Variants in CD99 observed in about 807,000 individuals in gnomAD.
CD99 encodes the protein CD99 molecule (Xg blood group).
Under a neutral mutation model 28.4 loss-of-function variants are expected in CD99, and 19 were observed. That is an observed-to-expected ratio of 0.67 (90% CI 0.47 to 0.98). The LOEUF is 0.98. CD99 is among the 50% of genes least tolerant of loss of function. The pLI is 0.00. For synonymous variants in CD99, 103 were observed against 92.1 expected (o/e 1.12, Z -0.67); for missense variants, 283 against 248.8 (o/e 1.14, Z -0.92).
intron 1 of CD99, among the ~76,000 whole-genome samples, chrX:2,702,458 T>C (rs1049823839): frequency 1.3e-5 from 2 of 152,236 alleles, no homozygotes; most frequent in Non-Finnish European, 2.9e-5. Context: ...TGAGAAATAC[T>C]GTTATTAACT....
At chrX:2,726,124 C>A in intron 7 of CD99, 136 bp from the exon 8 acceptor site, 1 of 623,394 alleles carries the variant, frequency 1.6e-6, no homozygotes, top group Non-Finnish European at 2.9e-6. Flanking sequence ...CTTTGCAAAT[C>A]GGTCAGCTCA....
intron 1 of CD99, among the ~76,000 whole-genome samples, chrX:2,698,732 T>C (rs2047694217): frequency 6.6e-6 from 1 of 152,164 alleles, no homozygotes; most frequent in South Asian, 2.1e-4. Context: ...CACCAGTAAC[T>C]GTGATGCCCA....
intron 8 of CD99, among the ~76,000 whole-genome samples, chrX:2,732,423 C>T (rs1186741905): frequency 1.3e-5 from 2 of 152,042 alleles, no homozygotes; most frequent in Admixed American, 6.6e-5. Flanking sequence ...GCAAGATGGG[C>T]GATTGGCTCT....
intron 1 of CD99, among the ~76,000 whole-genome samples, chrX:2,696,803 C>T (rs1458945139): frequency 2.0e-5 from 3 of 152,124 alleles, no homozygotes; most frequent in African/African-American, 7.2e-5. Context: ...CTTGAATTTC[C>T]TGTTCAGTAT....
chrX:2,716,342 CT>C lies in CD99; in HGVS notation c.101-1253del, dbSNP rs1556318417. 6.0e-5 allele frequency among the ~76,000 whole-genome samples: 9 copies of C among 150,896 alleles called. No homozygotes were observed. In the South Asian group the frequency reaches 6.3e-4, roughly 11 times the overall value. On this transcript the variant is annotated intron_variant, in intron 2 of 9. Coordinates refer to ENST00000381192, the MANE Select transcript of CD99 (RefSeq NM_002414.5). ...ACCCTCTTCACTTTTTTATGTTTTA[CT>C]TTTTTTTTTCTGAGACACTGTCTCG...
intron 8 of CD99, among the ~76,000 whole-genome samples, chrX:2,732,591 ACT>A (rs1485242699): frequency 9.8e-6 from 1 of 101,836 alleles, no homozygotes; most frequent in East Asian, 3.0e-4. Flanking sequence ...TCTTTCTTGA[ACT>A]CTCCCTCTTT....
intron 8 of CD99, among the ~76,000 whole-genome samples, chrX:2,730,143 G>C (rs928884332): frequency 5.9e-5 from 9 of 151,724 alleles, no homozygotes; most frequent in Non-Finnish European, 1.2e-4. Flanking sequence ...GACAGACAGA[G>C]ACCCTGTCTC....
chrX:2,714,712 C>A, intron 2 of CD99: 1 of 368,326 alleles, frequency 2.7e-6, no homozygotes, highest in East Asian at 4.1e-5. Context: ...GATACAGAGA[C>A]AGGAAGTGGG....
rs538293431 is a variant in CD99, at chrX:2,722,567, G to A, written c.263-60G>A. ...TTCATGAGTTTTTCCTTTATTCTAA[G>A]ACATGAAGACCCTTGGAGGAGTTCC... is the stretch of plus-strand genomic sequence containing the variant. On this transcript the variant is annotated intron_variant, in intron 5 of 9. Transcript: ENST00000381192. The A allele has an allele frequency of 3.2e-5, 47 of 1,468,806 alleles. No homozygotes were observed. In the African/African-American group the frequency reaches 5.8e-4, roughly 18 times the overall value. 91.0% of individuals were successfully genotyped at this position (1,468,806 alleles called of 1,614,324 possible). A position where few individuals can be genotyped will look rare whatever the true frequency, so the allele number is the denominator to read the frequency against.
intron 8 of CD99, among the ~76,000 whole-genome samples, chrX:2,737,524 T>G (rs984651761): frequency 5.3e-5 from 8 of 151,274 alleles, no homozygotes; most frequent in African/African-American, 1.9e-4. Context: ...TGAGACAGTC[T>G]TGCCCTGTCA....
intron 1 of CD99, among the ~76,000 whole-genome samples, chrX:2,711,016 G>T (rs1384759797): frequency 6.6e-6 from 1 of 150,630 alleles, no homozygotes; most frequent in Non-Finnish European, 1.5e-5. Flanking sequence ...GATTACATGC[G>T]CATATCACCA....
chrX:2,714,729 G>A, intron 2 of CD99: 1 of 338,488 alleles, frequency 3.0e-6, no homozygotes, highest in African/African-American at 2.1e-5. Flanking sequence ...TGGGGCACGT[G>A]CTGTTGGAAA....
At chrX:2,727,669 G>T (rs2049364760) in intron 8 of CD99, among the ~76,000 whole-genome samples, 1 of 152,086 alleles carries the variant, frequency 6.6e-6, no homozygotes, top group Non-Finnish European at 1.5e-5. Context: ...TAGAGATGGG[G>T]TCTCACCATG....
chrX:2,722,600 C>T, intron 5 of CD99, 27 bp from the exon 6 acceptor site: 4 of 1,612,314 alleles, frequency 2.5e-6, no homozygotes, highest in Non-Finnish European at 3.4e-6. Flanking sequence ...TCCAGGTTGA[C>T]AGGTGATGCT....
intron 8 of CD99, chrX:2,727,320 G>C: frequency 1.3e-6 from 1 of 779,338 alleles, no homozygotes; most frequent in Non-Finnish European, 2.4e-6. Flanking sequence ...TTGGGACCTT[G>C]TATTGGGATC....
intron 2 of CD99, among the ~76,000 whole-genome samples, chrX:2,716,425 C>T (rs1457911452): frequency 5.9e-5 from 9 of 152,124 alleles, no homozygotes; most frequent in Non-Finnish European, 8.8e-5. Context: ...CAGCCTTGAC[C>T]GTCTGGGCTC....
At chrX:2,703,758 C>A (rs2047991071) in intron 1 of CD99, among the ~76,000 whole-genome samples, 1 of 151,880 alleles carries the variant, frequency 6.6e-6, no homozygotes, top group African/African-American at 2.4e-5. Context: ...GGGCAGAGAC[C>A]ACTTTGAAAG....
chrX:2,709,374 G>A (rs1303669666), intron 1 of CD99, among the ~76,000 whole-genome samples: 1 of 152,154 alleles, frequency 6.6e-6, no homozygotes, highest in Non-Finnish European at 1.5e-5. Context: ...TGCTCAGATA[G>A]CACCCTCACA....
intron 8 of CD99, chrX:2,727,434 A>G (rs1048618015): frequency 1.2e-5 from 9 of 736,114 alleles, no homozygotes; most frequent in Admixed American, 1.9e-5. Flanking sequence ...TGCATGACCA[A>G]GCATTGTGGT....
Sources: gnomAD v4.1 joint callset for allele counts (sites outside exome capture counted in the v4.1 genomes callset) on GRCh38, gnomAD v4.1.1 for gene constraint, MANE v1.5 for transcripts, NCBI Gene and HGNC (gene_info 2026-07-23, HGNC 2026-07-21) for gene names.